The following HPS5 variants were observed in gnomAD, a reference collection of about 807,000 sequenced individuals.
The protein encoded by HPS5 is HPS5 biogenesis of lysosomal organelles complex 2 subunit 2.
A neutral mutation model predicts 128.0 loss-of-function variants in HPS5; 83 were observed. The ratio of observed to expected loss-of-function variants is 0.65; its 90% confidence interval spans 0.54 to 0.78. The LOEUF is 0.78. Among genes scored for constraint, HPS5 ranks in the 30% least tolerant of loss-of-function variants. HPS5 has a pLI of 0.00. For synonymous variants in HPS5, 475 were observed against 470.2 expected (o/e 1.01, Z -0.13); for missense variants, 1,281 against 1,326.2 (o/e 0.97, Z 0.53).
intron 2 of HPS5, among the ~76,000 whole-genome samples, chr11:18,316,253 C>T (rs1863612634): frequency 1.3e-5 from 2 of 151,888 alleles, no homozygotes; most frequent in Admixed American, 1.3e-4. Flanking sequence ...TAGGATCTCC[C>T]CATTGCACTT....
At chr11:18,304,759 G>T (rs1411957113) in intron 8 of HPS5, among the ~76,000 whole-genome samples, 1 of 152,218 alleles carries the variant, frequency 6.6e-6, no homozygotes, top group African/African-American at 2.4e-5. Context: ...GATATCAGAA[G>T]TAATTTTTTA....
chr11:18,305,171 T>C (rs1031815521), intron 8 of HPS5, among the ~76,000 whole-genome samples: 10 of 152,234 alleles, frequency 6.6e-5, no homozygotes, highest in African/African-American at 2.4e-4. Context: ...AGTAGAGCTA[T>C]CTTAGCTCCA....
Position 18,311,431 on chromosome 11 carries a change from G to T in HPS5, c.240C>A (p.Val80=), listed in dbSNP as rs138423875. 2.5e-6 allele frequency: 4 copies of T among 1,608,400 alleles called. No individual in the cohort carries two copies. Among genetic ancestry groups the T allele is most frequent in the African/African-American group, 1.3e-5 (1 of 74,724 alleles). ...LSHREGAISQ[V]ACCLHDDDYV... ...AATCATCATCATGTAAACAACAGGC[G>T]ACTTGAGAAATTGCACCTTCCTAGA... The change falls in exon 4 of 23, where the codon GTC becomes GTA. Residue 80 remains valine (V), a synonymous_variant. Transcript: ENST00000349215.
chr11:18,313,912 C>CAAAAA, intron 2 of HPS5, among the ~76,000 whole-genome samples: 1 of 110,752 alleles, frequency 9.0e-6, no homozygotes, highest in Admixed American at 9.0e-5. Flanking sequence ...GACTCCGTCT[C>CAAAAA]AAAAAAAAAA....
intron 21 of HPS5, among the ~76,000 whole-genome samples, chr11:18,282,745 T>C (rs1001501177): frequency 2.0e-5 from 3 of 151,868 alleles, no homozygotes; most frequent in African/African-American, 7.3e-5. Flanking sequence ...TGCTAAGCAC[T>C]ATGAAAAAAA....
chr11:18,284,418 C>T (rs952965504), intron 20 of HPS5, among the ~76,000 whole-genome samples: 3 of 152,168 alleles, frequency 2.0e-5, no homozygotes, highest in African/African-American at 7.2e-5. Flanking sequence ...CCTTTTGCTG[C>T]CCTACTAATC....
At chr11:18,308,861 T>G (rs1446312534) in intron 6 of HPS5, 85 bp downstream of exon 6, 3 of 1,350,246 alleles carry the variant, frequency 2.2e-6, no homozygotes, top group Non-Finnish European at 3.2e-6. Context: ...TATAACTGAT[T>G]GATGGGGCTT....
At chr11:18,287,090 G>A (rs904162774) in intron 18 of HPS5, among the ~76,000 whole-genome samples, 3 of 152,094 alleles carry the variant, frequency 2.0e-5, no homozygotes, top group African/African-American at 7.2e-5. Context: ...CCAATCAAAA[G>A]AAGAAAGGAG....
intron 2 of HPS5, among the ~76,000 whole-genome samples, chr11:18,317,416 C>A (rs746767130): frequency 6.6e-6 from 1 of 151,802 alleles, no homozygotes; most frequent in Non-Finnish European, 1.5e-5. Context: ...CCACCTTGCC[C>A]GGCTAATTTT....
chr11:18,304,319 C>T (rs1473506990), intron 8 of HPS5, among the ~76,000 whole-genome samples: 7 of 151,384 alleles, frequency 4.6e-5, no homozygotes, highest in African/African-American at 9.7e-5. Context: ...CAGGTTCAAG[C>T]GATTCTCCTG....
At chr11:18,311,569 G>A (rs1863016446) in intron 3 of HPS5, 118 bp from the exon 4 acceptor site, 1 of 598,462 alleles carries the variant, frequency 1.7e-6, no homozygotes. Context: ...GGGGAGCAAT[G>A]GTGCGATCTC....
At position 18,287,494 on chromosome 11, in the gene HPS5, T is replaced by G. The variant is rs754356347; in HGVS notation, c.2717+41A>C. ...CTTATAAAAGAGAAACAATGCCCTG[T>G]CAAAAGAAAGGAGAGTCTGCAAATA... is the stretch of plus-strand genomic sequence containing the variant. On this transcript the variant is annotated intron_variant, in intron 18 of 22. Coordinates refer to ENST00000349215, the MANE Select transcript of HPS5 (RefSeq NM_181507.2). 3.1e-6 allele frequency: 5 copies of G among 1,608,096 alleles called. No homozygotes were observed. The Admixed American group carries it at 8.3e-5, about 27-fold the overall frequency.
At position 18,310,892 on chromosome 11, in the gene HPS5, C is replaced by A. The variant is rs776239715; in HGVS notation, c.326G>T (p.Arg109Leu). Residue 109 changes from arginine to leucine, a missense_variant, in exon 5 of 23, where the codon CGT (arginine) becomes CTT (leucine). Coordinates refer to ENST00000349215, the MANE Select transcript of HPS5 (RefSeq NM_181507.2). ...VVVWELNQER[R>L]GKPEQMYVSS... ...CACATACATTTGTTCCGGTTTCCCA[C>A]GACGCTCTTGATTTAATTCCCAAAC... 1.2e-6 allele frequency: 2 copies of A among 1,614,024 alleles called. No homozygotes were observed. The highest frequency in any genetic ancestry group is 1.7e-5 in the Admixed American group (1 of 60,002).
chr11:18,305,732 CTTTTT>C (rs11345742), intron 7 of HPS5, among the ~76,000 whole-genome samples: 3 of 119,922 alleles, frequency 2.5e-5, no homozygotes. Flanking sequence ...AGAATAAAAT[CTTTTT>C]TTTTTTTTTT....
intron 2 of HPS5, among the ~76,000 whole-genome samples, chr11:18,315,734 C>G (rs1010612194): frequency 1.3e-5 from 2 of 152,040 alleles, no homozygotes; most frequent in African/African-American, 2.4e-5. Flanking sequence ...ATCAACAGAC[C>G]GGGAGTCATC....
chr11:18,292,990 C>T lies in HPS5; in HGVS notation c.1785-14G>A. The T allele has an allele frequency of 6.2e-7, 1 of 1,602,468 alleles. No homozygotes were observed. The highest frequency in any genetic ancestry group is 2.2e-5 in the East Asian group (1 of 44,730). On this transcript the variant is annotated splice_polypyrimidine_tract_variant and intron_variant, in intron 14 of 22. Transcript: ENST00000349215. ...TCTTTTTCCTCCCTAAAAAAGTGTGCAAAATAACAATAACATTCACAAGAG... is the reference window on the plus strand; with the variant it reads ...TCTTTTTCCTCCCTAAAAAAGTGTGTAAAATAACAATAACATTCACAAGAG...
intron 2 of HPS5, among the ~76,000 whole-genome samples, chr11:18,313,938 G>A (rs986317093): frequency 2.7e-5 from 4 of 149,302 alleles, no homozygotes; most frequent in East Asian, 2.0e-4. Context: ...GGCCGGGTGC[G>A]GTGGCTCATG....
intron 2 of HPS5, 55 bp downstream of exon 2, chr11:18,317,696 C>A: frequency 1.3e-6 from 2 of 1,554,650 alleles, no homozygotes; most frequent in Non-Finnish European, 1.8e-6. Context: ...AGGGTAGGGG[C>A]ACAGTAACAG....
At chr11:18,319,199 C>T (rs1590161003) in intron 1 of HPS5, among the ~76,000 whole-genome samples, 1 of 150,676 alleles carries the variant, frequency 6.6e-6, no homozygotes, top group African/African-American at 2.5e-5. Context: ...AAAAATAAGA[C>T]AAGTAAAATA....
Sources: allele counts gnomAD v4.1 joint callset (sites outside exome capture counted in the v4.1 genomes callset), GRCh38; gene constraint gnomAD v4.1.1; transcripts MANE v1.5; gene names NCBI Gene and HGNC (gene_info 2026-07-23, HGNC 2026-07-21).